OPCML: variants seen among roughly 807,000 people sequenced by gnomAD.
The protein encoded by OPCML is opioid binding protein/cell adhesion molecule like, also known as opioid-binding protein/cell adhesion molecule.
In OPCML, 13 loss-of-function variants were observed where a neutral mutation model predicts 37.8. The observed-to-expected ratio is 0.34, with a 90% CI of 0.22 to 0.55. The LOEUF is 0.55. Among genes scored for constraint, OPCML ranks in the 20% least tolerant of loss-of-function variants. The pLI, the probability that OPCML is intolerant of heterozygous loss-of-function variation, is 0.91. For synonymous variants in OPCML, 176 were observed against 168.8 expected, an observed-to-expected ratio of 1.04 and a Z score of -0.33; for missense variants, 341 against 435.6, an observed-to-expected ratio of 0.78 and a Z score of 1.93.
At chr11:132,493,748 C>T (rs910685639) in intron 4 of OPCML, among the ~76,000 whole-genome samples, 2 of 152,228 alleles carry the variant, frequency 1.3e-5, no homozygotes, top group Admixed American at 6.5e-5. Context: ...TTTGTGCTTG[C>T]CCATATCAAA....
At chr11:133,009,457 G>A (rs769040843) in intron 1 of OPCML, among the ~76,000 whole-genome samples, 19 of 152,148 alleles carry the variant, frequency 1.2e-4, no homozygotes, top group Non-Finnish European at 2.6e-4. Flanking sequence ...ACCTAACTTA[G>A]GAGTCAAGTT....
chr11:132,554,074 G>A (rs571113614), intron 3 of OPCML, among the ~76,000 whole-genome samples: 1 of 152,234 alleles, frequency 6.6e-6, no homozygotes, highest in Admixed American at 6.5e-5. Context: ...AATTCCTGGG[G>A]CCTGCAGAAG....
intron 1 of OPCML, among the ~76,000 whole-genome samples, chr11:133,251,405 A>T (rs1941129632): frequency 6.6e-6 from 1 of 151,500 alleles, no homozygotes; most frequent in African/African-American, 2.4e-5. Context: ...CTAGCCAACA[A>T]TTATTTTCTG....
At chr11:133,281,910 A>C (rs1473423936) in intron 1 of OPCML, among the ~76,000 whole-genome samples, 1 of 152,190 alleles carries the variant, frequency 6.6e-6, no homozygotes, top group Non-Finnish European at 1.5e-5. Context: ...GGTTGAACTT[A>C]AGAGTGACAA....
At chr11:133,087,139 C>T (rs532323463) in intron 1 of OPCML, among the ~76,000 whole-genome samples, 6 of 152,324 alleles carry the variant, frequency 3.9e-5, no homozygotes, top group Admixed American at 6.5e-5. Context: ...ATGAAGGTCA[C>T]GCTGCTGGTT....
intron 2 of OPCML, among the ~76,000 whole-genome samples, chr11:132,694,126 T>C (rs1000382914): frequency 6.9e-6 from 1 of 145,894 alleles, no homozygotes; most frequent in Non-Finnish European, 1.5e-5. Flanking sequence ...TCATTTAAAC[T>C]CTTCAGAGCT....
intron 4 of OPCML, among the ~76,000 whole-genome samples, chr11:132,453,130 G>C (rs956261705): frequency 2.6e-5 from 4 of 152,118 alleles, no homozygotes; most frequent in African/African-American, 9.7e-5. Context: ...CCCTCATCTG[G>C]GTTCCTGTAG....
intron 4 of OPCML, among the ~76,000 whole-genome samples, chr11:132,523,298 G>C (rs2096298905): frequency 6.6e-6 from 1 of 152,180 alleles, no homozygotes; most frequent in Non-Finnish European, 1.5e-5. Context: ...GATTTTGCTA[G>C]TATTAGCTCT....
At chr11:133,011,480 C>A (rs1488360161) in intron 1 of OPCML, among the ~76,000 whole-genome samples, 1 of 152,138 alleles carries the variant, frequency 6.6e-6, no homozygotes, top group African/African-American at 2.4e-5. Context: ...TCCCGAGATT[C>A]CATGATTTTA....
intron 1 of OPCML, among the ~76,000 whole-genome samples, chr11:133,282,668 C>T (rs1236201196): frequency 2.6e-5 from 4 of 152,160 alleles, no homozygotes; most frequent in Non-Finnish European, 5.9e-5. Context: ...AATGATGGAG[C>T]CATGAGCAGC....
chr11:133,420,625 G>C, intron 1 of OPCML: 1 of 985,206 alleles, frequency 1.0e-6, no homozygotes, highest in Non-Finnish European at 1.2e-6. Context: ...AATGATCATG[G>C]GATTAAGGGT....
chr11:132,482,654 T>C (rs2096185132), intron 4 of OPCML, among the ~76,000 whole-genome samples: 1 of 152,156 alleles, frequency 6.6e-6, no homozygotes. Flanking sequence ...TGATGAACAT[T>C]GATGCAAAAT....
chr11:133,301,823 A>G (rs1184450010), intron 1 of OPCML: 1 of 152,194 alleles, frequency 6.6e-6, no homozygotes. Context: ...ATGAAGAGGC[A>G]TTAAAAAAAG....
chr11:132,623,397 G>T (rs1939545002), intron 3 of OPCML, among the ~76,000 whole-genome samples: 1 of 151,746 alleles, frequency 6.6e-6, no homozygotes, highest in African/African-American at 2.4e-5. Context: ...GCTGATTAAT[G>T]ACTGCAAAAG....
At position 133,177,035 on chromosome 11, in the gene OPCML, G is replaced by A. The variant is rs924647119; in HGVS notation, c.62-234025C>T. On this transcript the variant is annotated intron_variant, in intron 1 of 7. Transcript: ENST00000524381. The surrounding 1 kb of genome is among the most constrained non-coding windows in gnomAD (Gnocchi z 5.0). ...CCTCCTGTGCCATCATCCTGCCAGC[G>A]GGACCCTGGCAACACCAAGTTGCTC... 1.3e-4 allele frequency among the ~76,000 whole-genome samples: 20 copies of A among 152,296 alleles called. No homozygotes were observed. The highest frequency in any genetic ancestry group is 2.2e-4 in the African/African-American group (9 of 41,564).
At chr11:133,531,860 G>C (rs190023938) in intron 1 of OPCML, among the ~76,000 whole-genome samples, 252 of 152,214 alleles carry the variant, frequency 1.7e-3, no homozygotes, top group Non-Finnish European at 2.8e-3. Flanking sequence ...AGAGATAAGA[G>C]GGTGCCCCTT....
chr11:133,111,238 C>A (rs1364458353), intron 1 of OPCML, among the ~76,000 whole-genome samples: 1 of 152,110 alleles, frequency 6.6e-6, no homozygotes, highest in Non-Finnish European at 1.5e-5. Context: ...GTGCCATTTA[C>A]AATATAATAG....
intron 2 of OPCML, among the ~76,000 whole-genome samples, chr11:132,763,201 A>G (rs1946326005): frequency 6.6e-6 from 1 of 152,196 alleles, no homozygotes; most frequent in African/African-American, 2.4e-5. Context: ...AAATGCAGAA[A>G]TGACCTGCGT....
intron 1 of OPCML, among the ~76,000 whole-genome samples, chr11:132,966,956 T>C (rs1946228571): frequency 6.6e-6 from 1 of 152,116 alleles, no homozygotes; most frequent in South Asian, 2.1e-4. Context: ...TAGTATGTAG[T>C]TGGATTTTAT....
Sources: allele counts gnomAD v4.1 joint callset (sites outside exome capture counted in the v4.1 genomes callset), GRCh38; gene constraint gnomAD v4.1.1; non-coding constraint Gnocchi (gnomAD v3.1); transcripts MANE v1.5; gene names NCBI Gene and HGNC (gene_info 2026-07-23, HGNC 2026-07-21).